The following CCDC148 variants were observed in gnomAD, a reference collection of about 807,000 sequenced individuals.
The protein encoded by CCDC148 is coiled-coil domain containing 148.
Under a neutral mutation model 85.7 loss-of-function variants are expected in CCDC148, and 89 were observed. That is an observed-to-expected ratio of 1.04 (90% CI 0.87 to 1.24). The LOEUF is 1.24. Ranked by LOEUF, CCDC148 falls within the 50% of genes most tolerant of loss-of-function variation. CCDC148 has a pLI of 0.00. For missense variants in CCDC148, 692 were observed against 671.7 expected (o/e 1.03, Z -0.33); for synonymous variants, 230 against 213.9 (o/e 1.08, Z -0.66).
rs1037720704 is a variant in CCDC148, at chr2:158,323,114, C to T, written c.765-9220G>A. ...CCCAAATAGAATCTAAATAGCTTCA[C>T]AAAAACACTGAATAAAGAAAGAGGT... On this transcript the variant is annotated intron_variant, in intron 7 of 13. Transcript: ENST00000283233. Among the ~76,000 whole-genome samples, 12 of 152,112 alleles carry T rather than the reference C, an allele frequency of 7.9e-5. No individual in the cohort carries two copies. In the East Asian group the frequency reaches 1.7e-3, roughly 22 times the overall value.
chr2:158,282,316 T>C (rs1409301047), intron 9 of CCDC148, among the ~76,000 whole-genome samples: 2 of 152,278 alleles, frequency 1.3e-5, no homozygotes, highest in African/African-American at 2.4e-5. Flanking sequence ...GGTATTCAAT[T>C]AGGAAAAGAG....
rs1553518870 is a variant in CCDC148 at position 158,406,629 on chromosome 2, T to TTTTTTGTTTTTTTTTTTTTG, written c.26-48060_26-48059insCAAAAAAAAAAAAACAAAAA. Among the ~76,000 whole-genome samples, 12 of 117,512 alleles carry TTTTTTGTTTTTTTTTTTTTG rather than the reference T, an allele frequency of 1.0e-4. No individual in the cohort carries two copies. The East Asian group carries it at 2.1e-3, about 21-fold the overall frequency. 77.1% of individuals were successfully genotyped at this position (117,512 alleles called of 152,430 possible). ...ATTAAATTTCTTTTTTTTTTTTTTTTTTTTTTTTTTTGAGACAGTGTCTCC... is the reference window on the plus strand; with the variant it reads ...ATTAAATTTCTTTTTTTTTTTTTTTTTTTTTGTTTTTTTTTTTTTGTTTTTTTTTTTGAGACAGTGTCTCC... On this transcript the variant is annotated intron_variant, in intron 1 of 13. Coordinates refer to ENST00000283233, the MANE Select transcript of CCDC148 (RefSeq NM_138803.4).
At chr2:158,220,501 GA>G in intron 11 of CCDC148, 93 bp downstream of exon 11, 1 of 805,746 alleles carries the variant, frequency 1.2e-6, no homozygotes. Flanking sequence ...ATTAAGTATA[GA>G]AAAAAGTTCC....
At chr2:158,384,975 T>C (rs1685025322) in intron 1 of CCDC148, among the ~76,000 whole-genome samples, 1 of 152,154 alleles carries the variant, frequency 6.6e-6, no homozygotes, top group African/African-American at 2.4e-5. Flanking sequence ...ATTCTTATTG[T>C]CAGTCAAATT....
chr2:158,303,201 T>C (rs1242017602), intron 9 of CCDC148, among the ~76,000 whole-genome samples: 1 of 152,192 alleles, frequency 6.6e-6, no homozygotes, highest in Non-Finnish European at 1.5e-5. Flanking sequence ...TAATGTTTAT[T>C]ATAGCTGGCA....
chr2:158,302,585 A>T (rs1691495005), intron 9 of CCDC148, among the ~76,000 whole-genome samples: 1 of 152,186 alleles, frequency 6.6e-6, no homozygotes, highest in South Asian at 2.1e-4. Flanking sequence ...GGAGATCGAG[A>T]CCATCCTGGC....
intron 2 of CCDC148, among the ~76,000 whole-genome samples, chr2:158,347,263 A>G (rs550144801): frequency 6.6e-6 from 1 of 152,224 alleles, no homozygotes; most frequent in African/African-American, 2.4e-5. Flanking sequence ...AGACGGGGAC[A>G]CATTTTTATA....
chr2:158,408,123 T>C (rs1432476885), intron 1 of CCDC148, among the ~76,000 whole-genome samples: 2 of 152,160 alleles, frequency 1.3e-5, no homozygotes, highest in Admixed American at 6.5e-5. Context: ...CAAATGAAAT[T>C]ATAAATATTT....
chr2:158,359,989 G>A (rs1255225771), intron 1 of CCDC148, among the ~76,000 whole-genome samples: 2 of 152,172 alleles, frequency 1.3e-5, no homozygotes, highest in African/African-American at 4.8e-5. Context: ...CTTTTGTGGG[G>A]GTAGGCGCAT....
At chr2:158,220,824 A>G in intron 10 of CCDC148, 111 bp from the exon 11 acceptor site, 1 of 773,200 alleles carries the variant, frequency 1.3e-6, no homozygotes, top group Non-Finnish European at 2.1e-6. Flanking sequence ...TTTAAAGGGC[A>G]CTTCATCTTT....
At chr2:158,394,922 C>T (rs1459336088) in intron 1 of CCDC148, among the ~76,000 whole-genome samples, 1 of 152,038 alleles carries the variant, frequency 6.6e-6, no homozygotes, top group Non-Finnish European at 1.5e-5. Flanking sequence ...TCAAACAATA[C>T]ATTGAAAGTC....
chr2:158,305,526 G>T (rs531470913), intron 9 of CCDC148, among the ~76,000 whole-genome samples: 19 of 152,220 alleles, frequency 1.2e-4, no homozygotes, highest in South Asian at 1.0e-3. Flanking sequence ...CAGGAAGATT[G>T]CTTGAGGCCA....
rs113008134 is a variant in CCDC148, at chr2:158,249,835, A to G, written c.1251+937T>C. Among the ~76,000 whole-genome samples the G allele has an allele frequency of 5.1e-3, 782 of 152,248 alleles. 8 individuals carry two copies. Among genetic ancestry groups the G allele is most frequent in the Middle Eastern group, 0.027 (8 of 294 alleles). ...AACGTCAACCATGTTCACAAAAATG[A>G]AAAGTTTGTCCACCAATGACCATGA... On this transcript the variant is annotated intron_variant, in intron 10 of 13. Transcript: ENST00000283233.
At chr2:158,319,074 C>G (rs2105219153) in intron 7 of CCDC148, among the ~76,000 whole-genome samples, 1 of 152,232 alleles carries the variant, frequency 6.6e-6, no homozygotes, top group East Asian at 1.9e-4. Flanking sequence ...CCTAAAATAG[C>G]CTTTTAAAAG....
intron 11 of CCDC148, among the ~76,000 whole-genome samples, chr2:158,205,261 A>T (rs1686178031): frequency 6.6e-6 from 1 of 152,138 alleles, no homozygotes; most frequent in Non-Finnish European, 1.5e-5. Context: ...GGGGAGTAAG[A>T]GAGGGAAGAG....
chr2:158,410,548 T>C (rs1686213688), intron 1 of CCDC148, among the ~76,000 whole-genome samples: 1 of 152,188 alleles, frequency 6.6e-6, no homozygotes, highest in South Asian at 2.1e-4. Flanking sequence ...GTGGTTACCT[T>C]GAGGCTTGCA....
intron 7 of CCDC148, among the ~76,000 whole-genome samples, chr2:158,333,862 G>A (rs1035835407): frequency 1.3e-5 from 2 of 152,030 alleles, no homozygotes; most frequent in African/African-American, 4.8e-5. Context: ...GGTAGTATCA[G>A]TCCTCCAACT....
intron 13 of CCDC148, 53 bp from the exon 14 acceptor site, chr2:158,172,312 T>G: frequency 3.7e-6 from 5 of 1,364,272 alleles, no homozygotes; most frequent in Non-Finnish European, 5.1e-6. Flanking sequence ...TAAAATAACT[T>G]TTAACATTTA....
At chr2:158,381,080 TG>T (rs1325806225) in intron 1 of CCDC148, 2 of 152,102 alleles carry the variant, frequency 1.3e-5, no homozygotes, top group Non-Finnish European at 2.9e-5. Flanking sequence ...TTTAAAAAAA[TG>T]TTCATCTTAA....
Sources: gnomAD v4.1 joint callset for allele counts (sites outside exome capture counted in the v4.1 genomes callset) on GRCh38, gnomAD v4.1.1 for gene constraint, MANE v1.5 for transcripts, NCBI Gene and HGNC (gene_info 2026-07-23, HGNC 2026-07-21) for gene names.